KLHL29: variants seen among roughly 807,000 people sequenced by gnomAD.
The protein encoded by KLHL29 is kelch-like protein 29.
A neutral mutation model predicts 80.4 loss-of-function variants in KLHL29; 21 were observed. The observed-to-expected ratio is 0.26, with a 90% CI of 0.19 to 0.38. The LOEUF (loss-of-function observed/expected upper bound fraction) is 0.38, where lower values mean the gene tolerates loss of function less well. Among genes scored for constraint, KLHL29 ranks in the 10% least tolerant of loss-of-function variants. KLHL29 has a pLI of 1.00. For synonymous variants in KLHL29, 511 were observed against 526.8 expected (o/e 0.97, Z 0.41); for missense variants, 867 against 1,223.9 (o/e 0.71, Z 4.35).
At chr2:23,394,105 GGA>G (rs1666390149) in intron 1 of KLHL29, among the ~76,000 whole-genome samples, 1 of 152,002 alleles carries the variant, frequency 6.6e-6, no homozygotes, top group African/African-American at 2.4e-5. Context: ...AACAGCGGCC[GGA>G]ACATCCCTGC....
rs574075853 is a variant in KLHL29 at position 23,703,805 on chromosome 2, C to T, written c.2386C>T (p.Pro796Ser). The T allele has an allele frequency of 3.9e-5, 60 of 1,537,514 alleles. 2 individuals are homozygous for T. The South Asian group carries it at 5.7e-4, about 15-fold the overall frequency. The change falls in exon 13 of 14, where the codon CCT (proline) becomes TCT (serine). Residue 796 changes from proline (P) to serine (S), a missense_variant. By Grantham distance (74) the Pro-to-Ser change is moderately conservative (BLOSUM62 -1). This residue lies in a region of KLHL29 where 443 missense variants were observed against 767.0 expected (regional missense o/e 0.58). Coordinates refer to ENST00000486442, the MANE Select transcript of KLHL29 (RefSeq NM_052920.2). ...TGCCAGAGCTACCACCATCTACGAC[C>T]CTGAGAAAGGAAACATTAAGGCGGG... The part of the protein sequence containing the change: ...AYARATTIYD[P>S]EKGNIKAGPN...
chr2:23,556,854 G>A (rs571019323), intron 2 of KLHL29, among the ~76,000 whole-genome samples: 3 of 152,290 alleles, frequency 2.0e-5, no homozygotes, highest in Non-Finnish European at 2.9e-5. Flanking sequence ...ATTTCCACCC[G>A]TGAATACAAG....
chr2:23,591,465 A>C (rs1668258644), intron 3 of KLHL29, among the ~76,000 whole-genome samples: 1 of 148,840 alleles, frequency 6.7e-6, no homozygotes, highest in Non-Finnish European at 1.5e-5. Flanking sequence ...TTCACATCTC[A>C]GCCTCCCCCT....
intron 2 of KLHL29, among the ~76,000 whole-genome samples, chr2:23,478,400 T>C (rs140034565): frequency 0.015 from 2,356 of 152,092 alleles, 27 homozygotes; most frequent in Middle Eastern, 0.037. Context: ...CAGCTATCAG[T>C]TTACTGTGGA....
intron 1 of KLHL29, among the ~76,000 whole-genome samples, chr2:23,439,343 C>CTTTTAGTTGT (rs1663443033): frequency 1.3e-5 from 2 of 151,804 alleles, no homozygotes; most frequent in African/African-American, 2.4e-5. Flanking sequence ...TGTTTCTTGC[C>CTTTTAGTTGT]TTCTGCTAGC....
chr2:23,505,326 A>G (rs1306461207), intron 2 of KLHL29, among the ~76,000 whole-genome samples: 1 of 152,128 alleles, frequency 6.6e-6, no homozygotes, highest in Non-Finnish European at 1.5e-5. Context: ...ACCTCCGTGG[A>G]GGTGTTCTCT....
chr2:23,608,233 T>C (rs1173890800), intron 3 of KLHL29, among the ~76,000 whole-genome samples: 3 of 152,256 alleles, frequency 2.0e-5, no homozygotes, highest in Non-Finnish European at 4.4e-5. Context: ...ACTTTGTCTG[T>C]AAACATGAAA....
intron 1 of KLHL29, among the ~76,000 whole-genome samples, chr2:23,464,020 A>G (rs1275361699): frequency 6.6e-6 from 1 of 152,216 alleles, no homozygotes; most frequent in African/African-American, 2.4e-5. Context: ...GGAACCTGCT[A>G]CTTCATACTT....
intron 2 of KLHL29, among the ~76,000 whole-genome samples, chr2:23,490,172 T>C (rs1452983315): frequency 6.6e-6 from 1 of 152,224 alleles, no homozygotes; most frequent in Non-Finnish European, 1.5e-5. Context: ...TTCTGTCTTG[T>C]TTTTGTGCCT....
At chr2:23,579,816 C>A (rs1412638980) in intron 3 of KLHL29, among the ~76,000 whole-genome samples, 1 of 152,184 alleles carries the variant, frequency 6.6e-6, no homozygotes. Flanking sequence ...CTCTGCACCC[C>A]CGCCCCCATG....
chr2:23,533,668 T>G (rs1173007415), intron 2 of KLHL29, among the ~76,000 whole-genome samples: 2 of 152,118 alleles, frequency 1.3e-5, no homozygotes, highest in African/African-American at 2.4e-5. Flanking sequence ...TGTAACAGTG[T>G]GAGGACCCCC....
intron 3 of KLHL29, among the ~76,000 whole-genome samples, chr2:23,605,517 T>C (rs1182489646): frequency 6.6e-6 from 1 of 152,166 alleles, no homozygotes. Context: ...GAACTGCGCA[T>C]GGTGAGGGAC....
At chr2:23,504,945 G>A (rs73919719) in intron 2 of KLHL29, among the ~76,000 whole-genome samples, 113 of 152,296 alleles carry the variant, frequency 7.4e-4, no homozygotes, top group African/African-American at 2.7e-3. Flanking sequence ...AAGCCTCCAC[G>A]GGGCAGGCAC....
At chr2:23,431,773 A>G (rs1663186868) in intron 1 of KLHL29, among the ~76,000 whole-genome samples, 2 of 151,880 alleles carry the variant, frequency 1.3e-5, no homozygotes, top group East Asian at 3.9e-4. Context: ...GGGCGCCTGT[A>G]GTCCCAGCTA....
chr2:23,438,967 G>C (rs1225540126), intron 1 of KLHL29, among the ~76,000 whole-genome samples: 7 of 146,164 alleles, frequency 4.8e-5, no homozygotes, highest in Admixed American at 2.7e-4. Flanking sequence ...GTAAGCTATT[G>C]ATTATTGCCA....
chr2:23,618,146 C>G (rs1019795984), intron 3 of KLHL29, among the ~76,000 whole-genome samples: 1 of 152,148 alleles, frequency 6.6e-6, no homozygotes, highest in Non-Finnish European at 1.5e-5. Flanking sequence ...TTCTCCAGCC[C>G]TGCTTAGTAT....
At chr2:23,573,666 C>T (rs1285515461) in intron 3 of KLHL29, among the ~76,000 whole-genome samples, 4 of 152,224 alleles carry the variant, frequency 2.6e-5, no homozygotes, top group African/African-American at 9.7e-5. Flanking sequence ...GTACAAGGAT[C>T]GCATGGTCCA....
At chr2:23,621,188 G>A (rs1331695696) in intron 3 of KLHL29, among the ~76,000 whole-genome samples, 1 of 152,238 alleles carries the variant, frequency 6.6e-6, no homozygotes, top group African/African-American at 2.4e-5. Flanking sequence ...AGCAGCAGCA[G>A]CAGCAGCAGC....
At chr2:23,516,078 C>T (rs1025926363) in intron 2 of KLHL29, among the ~76,000 whole-genome samples, 1 of 152,234 alleles carries the variant, frequency 6.6e-6, no homozygotes, top group Non-Finnish European at 1.5e-5. Flanking sequence ...TCCCCTCTCC[C>T]TCCTAGAGCT....
Sources: gnomAD v4.1 joint callset for allele counts (sites outside exome capture counted in the v4.1 genomes callset) on GRCh38, gnomAD v4.1.1 for gene constraint, gnomAD v4.1.1 regional missense constraint, MANE v1.5 for transcripts, NCBI Gene and HGNC (gene_info 2026-07-23, HGNC 2026-07-21) for gene names.